RHOH: variants seen among roughly 807,000 people sequenced by gnomAD.
RHOH encodes ras homolog family member H, also known as rho-related GTP-binding protein RhoH.
Under a neutral mutation model 13.8 loss-of-function variants are expected in RHOH, and 6 were observed. The observed-to-expected ratio is 0.44, with a 90% confidence interval of 0.24 to 0.86. The LOEUF is 0.86. Among genes scored for constraint, RHOH ranks in the 40% least tolerant of loss-of-function variants. The probability of loss-of-function intolerance (pLI) is 0.24; values close to 1 mark genes in which losing one functional copy is unlikely to be tolerated. For missense variants in RHOH, 147 were observed against 244.5 expected (o/e 0.60, Z 2.66); for synonymous variants, 117 against 103.0 (o/e 1.14, Z -0.82).
chr4:40,238,856 C>G (rs546493575), intron 1 of RHOH, among the ~76,000 whole-genome samples: 26 of 152,154 alleles, frequency 1.7e-4, no homozygotes, highest in Non-Finnish European at 3.8e-4. Flanking sequence ...TTTTTTCACC[C>G]AGAAGCCCTT....
At chr4:40,206,348 C>A (rs1232253963) in intron 1 of RHOH, among the ~76,000 whole-genome samples, 1 of 152,012 alleles carries the variant, frequency 6.6e-6, no homozygotes, top group Non-Finnish European at 1.5e-5. Flanking sequence ...ACAAAAAATT[C>A]TTCTGGTCTT....
At position 40,197,201 on chromosome 4, in the gene RHOH, G is replaced by C. The variant is rs1723242315; in HGVS notation, c.-430G>C. On this transcript the variant is annotated 5_prime_UTR_variant, in exon 1 of 3. Coordinates refer to ENST00000381799, the MANE Select transcript of RHOH (RefSeq NM_004310.5). Reference sequence around the variant, plus strand: ...TGAGGAAATCAACCACAGTGAAAAGGCTTGGGCCGCTTTTGTTTTCACCTG... The same window carrying C: ...TGAGGAAATCAACCACAGTGAAAAGCCTTGGGCCGCTTTTGTTTTCACCTG... 6.6e-6 allele frequency: 1 copy of C among 152,202 alleles called. No homozygotes were observed. Among genetic ancestry groups the C allele is most frequent in the African/African-American group, 2.4e-5 (1 of 41,430 alleles). 9.4% of individuals were successfully genotyped at this position (152,202 alleles called of 1,614,324 possible).
chr4:40,195,243 C>A (rs1722997987), upstream of RHOH, among the ~76,000 whole-genome samples: 1 of 152,164 alleles, frequency 6.6e-6, no homozygotes, highest in South Asian at 2.1e-4. Context: ...ATGAACAAAA[C>A]CAGAAGTAGA....
chr4:40,223,669 G>A (rs1022106820), intron 1 of RHOH, among the ~76,000 whole-genome samples: 7 of 149,406 alleles, frequency 4.7e-5, no homozygotes, highest in African/African-American at 9.9e-5. Flanking sequence ...GTCCCATTGT[G>A]TTGTCCAGGC....
At chr4:40,204,723 A>G (rs1211014571) in intron 1 of RHOH, among the ~76,000 whole-genome samples, 1 of 152,230 alleles carries the variant, frequency 6.6e-6, no homozygotes, top group African/African-American at 2.4e-5. Context: ...TGCTTCTCCA[A>G]TTGATGGCTG....
At chr4:40,195,013 C>T (rs1247067965), upstream of RHOH, among the ~76,000 whole-genome samples, 1 of 152,118 alleles carries the variant, frequency 6.6e-6, no homozygotes, top group Non-Finnish European at 1.5e-5. Flanking sequence ...ATGTTTCTCC[C>T]GCGGGCAATG....
intron 1 of RHOH, among the ~76,000 whole-genome samples, chr4:40,230,535 G>T (rs889216381): frequency 7.3e-5 from 11 of 150,642 alleles, no homozygotes; most frequent in Non-Finnish European, 4.4e-5. Flanking sequence ...ATGGGGTTTC[G>T]CCATGTTGCG....
chr4:40,219,615 T>C (rs538565252), intron 1 of RHOH, among the ~76,000 whole-genome samples: 1 of 152,110 alleles, frequency 6.6e-6, no homozygotes, highest in African/African-American at 2.4e-5. Context: ...ACTATAGGCA[T>C]GTAATCACTA....
intron 1 of RHOH, among the ~76,000 whole-genome samples, chr4:40,229,096 G>C (rs923928341): frequency 3.9e-5 from 6 of 152,100 alleles, no homozygotes; most frequent in Non-Finnish European, 8.8e-5. Flanking sequence ...GTTGCAGGTA[G>C]AGTCTGTATT....
intron 1 of RHOH, among the ~76,000 whole-genome samples, chr4:40,233,879 T>C (rs1342567890): frequency 6.6e-6 from 1 of 151,924 alleles, no homozygotes; most frequent in Non-Finnish European, 1.5e-5. Flanking sequence ...TGAGCCGGGA[T>C]CATGCCACTG....
chr4:40,210,835 A>T (rs1416887171), intron 1 of RHOH, among the ~76,000 whole-genome samples: 2 of 152,206 alleles, frequency 1.3e-5, no homozygotes, highest in African/African-American at 4.8e-5. Context: ...CAGACATATA[A>T]TTTGTCTATG....
At chr4:40,210,499 G>T (rs1378375363) in intron 1 of RHOH, among the ~76,000 whole-genome samples, 1 of 152,180 alleles carries the variant, frequency 6.6e-6, no homozygotes, top group East Asian at 1.9e-4. Context: ...AGGAAACCAA[G>T]AATTTTCCCG....
At chr4:40,193,473 T>TGAGAGTGAGA (rs1172816326), upstream of RHOH, among the ~76,000 whole-genome samples, 1 of 38,706 alleles carries the variant, frequency 2.6e-5, no homozygotes, top group East Asian at 1.0e-3. Context: ...GTTAAAAGAA[T>TGAGAGTGAGA]GAGAGCGAGA....
At chr4:40,214,088 G>A (rs1725601785) in intron 1 of RHOH, among the ~76,000 whole-genome samples, 1 of 152,178 alleles carries the variant, frequency 6.6e-6, no homozygotes, top group Non-Finnish European at 1.5e-5. Context: ...TTAAATGCAT[G>A]AAGCATACAG....
intron 1 of RHOH, among the ~76,000 whole-genome samples, chr4:40,212,033 A>G (rs1299531346): frequency 6.6e-6 from 1 of 151,894 alleles, no homozygotes; most frequent in African/African-American, 2.4e-5. Flanking sequence ...ATTGTAAACA[A>G]CTCCCAGGGT....
intron 1 of RHOH, among the ~76,000 whole-genome samples, chr4:40,231,959 T>A (rs776630796): frequency 6.6e-6 from 1 of 152,212 alleles, no homozygotes; most frequent in Non-Finnish European, 1.5e-5. Flanking sequence ...AGCTCAGTGG[T>A]TTTAAGGGTC....
chr4:40,220,602 C>T (rs1407437941), intron 1 of RHOH, among the ~76,000 whole-genome samples: 7 of 151,886 alleles, frequency 4.6e-5, no homozygotes, highest in Non-Finnish European at 1.0e-4. Flanking sequence ...ACATTATTAA[C>T]TAAGTAAAAA....
chr4:40,217,009 T>C (rs756575632), intron 1 of RHOH, among the ~76,000 whole-genome samples: 17 of 152,222 alleles, frequency 1.1e-4, no homozygotes, highest in Non-Finnish European at 2.2e-4. Flanking sequence ...GAAATCTTTC[T>C]AGCATGCTGA....
chr4:40,221,840 C>G (rs186166610), intron 1 of RHOH, among the ~76,000 whole-genome samples: 14 of 152,084 alleles, frequency 9.2e-5, no homozygotes, highest in Admixed American at 7.2e-4. Flanking sequence ...TGAGAGAGGC[C>G]GAAAACTAGG....
Sources: gnomAD v4.1 joint callset for allele counts (sites outside exome capture counted in the v4.1 genomes callset) on GRCh38, gnomAD v4.1.1 for gene constraint, MANE v1.5 for transcripts, NCBI Gene and HGNC (gene_info 2026-07-23, HGNC 2026-07-21) for gene names.